The following AUNIP variants were observed in gnomAD, a reference collection of about 807,000 sequenced individuals.
AUNIP encodes the protein aurora kinase A and ninein interacting protein.
A neutral mutation model predicts 12.2 loss-of-function variants in AUNIP; 16 were observed. That is an observed-to-expected ratio of 1.31 (90% CI 0.88 to 1.99). AUNIP has a LOEUF of 1.99. Ranked by LOEUF, AUNIP falls within the 30% of genes most tolerant of loss-of-function variation. The pLI is 0.00. For synonymous variants in AUNIP, 142 were observed against 154.8 expected (o/e 0.92, Z 0.61); for missense variants, 411 against 419.1 (o/e 0.98, Z 0.17).
At chr1:25,843,485 G>A (rs547613855) in intron 1 of AUNIP, among the ~76,000 whole-genome samples, 40 of 150,084 alleles carry the variant, frequency 2.7e-4, no homozygotes, top group Admixed American at 1.7e-3. Context: ...ATCTGGCCAT[G>A]GTGGTGCTGC....
rs1269841857 is a variant in AUNIP, at chr1:25,849,507, C to T, written c.78+9773G>A. Among the ~76,000 whole-genome samples, 4 of 152,160 alleles carry T rather than the reference C, an allele frequency of 2.6e-5. No homozygotes were observed. In the South Asian group the frequency reaches 8.3e-4, roughly 31 times the overall value. ...TTTTATGTGTCATACAATATCTGGT[C>T]TTTTGTGACTGGCTTCTTTCACTGA... is the stretch of plus-strand genomic sequence containing the variant. On this transcript the variant is annotated intron_variant, in intron 1 of 2. Coordinates refer to ENST00000374298, the MANE Select transcript of AUNIP (RefSeq NM_024037.3).
intron 1 of AUNIP, among the ~76,000 whole-genome samples, chr1:25,839,153 G>C (rs776787015): frequency 3.9e-5 from 6 of 152,174 alleles, no homozygotes; most frequent in Admixed American, 1.3e-4. Context: ...TTGAGAAAAG[G>C]GAAACAAATA....
chr1:25,837,571 A>G lies in AUNIP; in HGVS notation c.79-17T>C. On this transcript the variant is annotated splice_polypyrimidine_tract_variant and intron_variant, in intron 1 of 2. Coordinates refer to ENST00000374298, the MANE Select transcript of AUNIP (RefSeq NM_024037.3). The stretch of plus-strand genomic sequence containing the variant: ...TAAATGTGTCTGAGAAAGGAGAGAA[A>G]AAAGAATAATGAGCCTATTAATATT... The G allele has an allele frequency of 1.2e-6, 2 of 1,608,100 alleles. No individual in the cohort carries two copies. The highest frequency in any genetic ancestry group is 1.1e-5 in the South Asian group (1 of 90,536).
rs1012379732 is a variant in AUNIP, at chr1:25,834,124, G to T, written c.*869C>A. 1 of 984,894 alleles carries T rather than the reference G, an allele frequency of 1.0e-6. No individual in the cohort carries two copies. The highest frequency in any genetic ancestry group is 6.2e-5 in the Admixed American group (1 of 16,250). The allele number at this position is 984,894 out of a possible 1,614,324, so 61.0% of individuals were successfully genotyped here. ...TGTACAGCTCAGGCTTTTTAAGGGA[G>T]ATATTTAAACATAGAGTATATAACT... is the stretch of plus-strand genomic sequence containing the variant. On this transcript the variant is annotated 3_prime_UTR_variant, in exon 3 of 3. Transcript: ENST00000374298.
At chr1:25,850,542 G>A (rs964951757) in intron 1 of AUNIP, among the ~76,000 whole-genome samples, 2 of 152,126 alleles carry the variant, frequency 1.3e-5, no homozygotes, top group African/African-American at 4.8e-5. Context: ...TAAGTCTTCT[G>A]ATCAATGAAC....
chr1:25,851,860 G>A (rs1032502976), intron 1 of AUNIP, among the ~76,000 whole-genome samples: 7 of 151,780 alleles, frequency 4.6e-5, no homozygotes, highest in Admixed American at 6.6e-5. Flanking sequence ...TCAGCCTCCC[G>A]AGTAGCTGGG....
intron 1 of AUNIP, among the ~76,000 whole-genome samples, chr1:25,842,041 AAGG>A (rs957463133): frequency 6.6e-6 from 1 of 152,170 alleles, no homozygotes; most frequent in African/African-American, 2.4e-5. Flanking sequence ...GTTCAAGTGA[AAGG>A]AGAAGTCATA....
chr1:25,859,146 G>T (rs1386338817), intron 1 of AUNIP, 134 bp downstream of exon 1: 3 of 936,482 alleles, frequency 3.2e-6, no homozygotes, highest in South Asian at 1.5e-5. Context: ...TCTCGCCTGT[G>T]AATCCCCAAC....
rs1452386174 is a variant in AUNIP, at chr1:25,852,452, T to G, written c.78+6828A>C. 6.9e-5 allele frequency among the ~76,000 whole-genome samples: 10 copies of G among 145,976 alleles called. 1 individual carries two copies. Among genetic ancestry groups the G allele is most frequent in the Non-Finnish European group, 1.5e-4 (10 of 66,372 alleles). On this transcript the variant is annotated intron_variant, in intron 1 of 2. Coordinates refer to ENST00000374298, the MANE Select transcript of AUNIP (RefSeq NM_024037.3). ...TAGAAGATTAGATTATTTAAGGTTT[T>G]TTTTTTTGTTGTTTTTTTTTTTGAG...
intron 1 of AUNIP, among the ~76,000 whole-genome samples, chr1:25,848,783 A>G (rs911314197): frequency 6.6e-6 from 1 of 152,244 alleles, no homozygotes; most frequent in Non-Finnish European, 1.5e-5. Context: ...ATCAAGGCTC[A>G]GTTAAGCTTC....
chr1:25,849,589 T>C (rs184715918), intron 1 of AUNIP, among the ~76,000 whole-genome samples: 116 of 152,330 alleles, frequency 7.6e-4, no homozygotes, highest in African/African-American at 2.6e-3. Context: ...TCACTCTTTT[T>C]TATTGCCAAA....
chr1:25,841,927 C>G (rs2048350278), intron 1 of AUNIP, among the ~76,000 whole-genome samples: 1 of 152,206 alleles, frequency 6.6e-6, no homozygotes, highest in Non-Finnish European at 1.5e-5. Context: ...CATGTTTTGA[C>G]TGTTCCACTC....
chr1:25,849,401 G>A (rs2048410737), intron 1 of AUNIP, among the ~76,000 whole-genome samples: 1 of 152,088 alleles, frequency 6.6e-6, no homozygotes, highest in Admixed American at 6.6e-5. Flanking sequence ...TCTAGCCTTA[G>A]CAGTCATTCC....
chr1:25,835,760 G>C lies in AUNIP; in HGVS notation c.307C>G (p.Leu103Val). ...GCTAAGCCTGGGATCAAATGGTCTAGCTGGGTCGCATTTTTCTTGGACTCT... is the reference window on the plus strand; with the variant it reads ...GCTAAGCCTGGGATCAAATGGTCTACCTGGGTCGCATTTTTCTTGGACTCT... ...NKESKKNATQ[L>V]DHLIPGLAHD... is the part of the protein sequence containing the mutation. Residue 103 changes from leucine (L) to valine (V), a missense_variant, in exon 3 of 3, where the codon CTA becomes GTA. Coordinates refer to ENST00000374298, the MANE Select transcript of AUNIP (RefSeq NM_024037.3). 6.2e-7 allele frequency: 1 copy of C among 1,614,220 alleles called. No individual in the cohort carries two copies. Among genetic ancestry groups the C allele is most frequent in the Non-Finnish European group, 8.5e-7 (1 of 1,180,044 alleles).
At chr1:25,842,277 T>TAGTGGTCTG (rs2048352219) in intron 1 of AUNIP, among the ~76,000 whole-genome samples, 1 of 152,216 alleles carries the variant, frequency 6.6e-6, no homozygotes, top group Admixed American at 6.5e-5. Context: ...TCTGGATAAA[T>TAGTGGTCTG]GATCAAAGTA....
chr1:25,843,547 A>G (rs1164605941), intron 1 of AUNIP, among the ~76,000 whole-genome samples: 2 of 137,730 alleles, frequency 1.5e-5, no homozygotes, highest in East Asian at 4.8e-4. Context: ...ACTTAAGCTC[A>G]GGAGTTTGAG....
rs1321908052 is a variant in AUNIP, at chr1:25,859,397, G to C, written c.-40C>G. On this transcript the variant is annotated 5_prime_UTR_variant, in exon 1 of 3. Transcript: ENST00000374298. ...CGAAGCCGGCAGGACGCCGGCGCAGGCTCCCGGCGCCTCAGGGAACGCCAG... is the reference window on the plus strand; with the variant it reads ...CGAAGCCGGCAGGACGCCGGCGCAGCCTCCCGGCGCCTCAGGGAACGCCAG... 6.8e-7 allele frequency: 1 copy of C among 1,470,610 alleles called. No homozygotes were observed. Among genetic ancestry groups the C allele is most frequent in the Non-Finnish European group, 8.9e-7 (1 of 1,119,156 alleles). 91.1% of individuals were successfully genotyped at this position (1,470,610 alleles called of 1,614,324 possible). A position where few individuals can be genotyped will look rare whatever the true frequency, so the allele number is the denominator to read the frequency against.
chr1:25,855,478 CAT>C (rs982157243), intron 1 of AUNIP, among the ~76,000 whole-genome samples: 49 of 151,960 alleles, frequency 3.2e-4, no homozygotes, highest in Non-Finnish European at 5.7e-4. Flanking sequence ...TTTAAACAAA[CAT>C]ATATTATTTT....
intron 1 of AUNIP, among the ~76,000 whole-genome samples, chr1:25,839,954 C>T (rs1049349651): frequency 8.5e-5 from 13 of 152,228 alleles, no homozygotes; most frequent in Non-Finnish European, 1.9e-4. Context: ...GTGTGACCCA[C>T]CACGCCTGGC....
Sources: gnomAD v4.1 joint callset for allele counts (sites outside exome capture counted in the v4.1 genomes callset) on GRCh38, gnomAD v4.1.1 for gene constraint, MANE v1.5 for transcripts, NCBI Gene and HGNC (gene_info 2026-07-23, HGNC 2026-07-21) for gene names.